RAD18: variants seen among roughly 807,000 people sequenced by gnomAD.
RAD18 encodes the protein E3 ubiquitin-protein ligase RAD18.
RAD18 carries 47 observed loss-of-function variants against 60.4 expected under a neutral mutation model. The observed-to-expected ratio is 0.78, with a 90% CI of 0.62 to 0.99. The LOEUF (loss-of-function observed/expected upper bound fraction) is 0.99. RAD18 is among the 50% of genes least tolerant of loss of function. The probability of loss-of-function intolerance (pLI) is 0.00; values close to 1 mark genes in which losing one functional copy is unlikely to be tolerated. For missense variants in RAD18, 640 were observed against 593.3 expected, an observed-to-expected ratio of 1.08 and a Z score of -0.82; for synonymous variants, 225 against 195.5, an observed-to-expected ratio of 1.15 and a Z score of -1.26.
At chr3:8,952,346 C>A (rs953736213) in intron 2 of RAD18, among the ~76,000 whole-genome samples, 4 of 152,128 alleles carry the variant, frequency 2.6e-5, no homozygotes, top group Non-Finnish European at 5.9e-5. Context: ...ATTATCAATG[C>A]TGTTCTCTTT....
intron 2 of RAD18, among the ~76,000 whole-genome samples, chr3:8,956,786 G>A (rs1223758147): frequency 7.1e-6 from 1 of 140,774 alleles, no homozygotes. Context: ...CAGGGGTAGA[G>A]AAGTGCCTCA....
chr3:8,914,553 A>G (rs528028802), intron 7 of RAD18, among the ~76,000 whole-genome samples: 1 of 152,136 alleles, frequency 6.6e-6, no homozygotes, highest in African/African-American at 2.4e-5. Flanking sequence ...TTAAAGTTTT[A>G]TTTTTTTTAA....
chr3:8,928,215 A>G (rs372453797), intron 7 of RAD18, among the ~76,000 whole-genome samples: 136 of 152,224 alleles, frequency 8.9e-4, no homozygotes, highest in African/African-American at 3.0e-3. Flanking sequence ...TAAAATGAAG[A>G]TAACATAAAA....
chr3:8,936,209 A>G (rs1231589560), intron 6 of RAD18, among the ~76,000 whole-genome samples, 154 bp from the exon 7 acceptor site: 1 of 152,220 alleles, frequency 6.6e-6, no homozygotes, highest in Non-Finnish European at 1.5e-5. Context: ...GTTTGTGGAT[A>G]AAGTTGAGTG....
intron 11 of RAD18, among the ~76,000 whole-genome samples, chr3:8,893,826 G>A (rs1025652996): frequency 6.6e-6 from 1 of 150,872 alleles, no homozygotes; most frequent in South Asian, 2.1e-4. Flanking sequence ...CTCCTGAGTA[G>A]TTATAGGTGC....
intron 11 of RAD18, among the ~76,000 whole-genome samples, chr3:8,891,074 A>AT (rs1939678660): frequency 2.8e-5 from 1 of 35,096 alleles, no homozygotes; most frequent in African/African-American, 1.7e-4. Context: ...TATATATATA[A>AT]AATATATATA....
At chr3:8,943,496 C>T (rs1240765054) in intron 4 of RAD18, among the ~76,000 whole-genome samples, 1 of 151,698 alleles carries the variant, frequency 6.6e-6, no homozygotes, top group Non-Finnish European at 1.5e-5. Context: ...AGAAAATATC[C>T]AAACCAAGCA....
intron 7 of RAD18, among the ~76,000 whole-genome samples, chr3:8,928,302 A>G (rs763134071): frequency 2.3e-4 from 35 of 152,286 alleles, no homozygotes; most frequent in Non-Finnish European, 1.6e-4. Context: ...ACAGCAAACA[A>G]GCAAGATGGC....
intron 12 of RAD18, among the ~76,000 whole-genome samples, chr3:8,885,663 G>T (rs1939547536): frequency 6.6e-6 from 1 of 152,230 alleles, no homozygotes; most frequent in South Asian, 2.1e-4. Context: ...AGGGAGGGAA[G>T]AGGGAAAAGG....
At chr3:8,937,021 T>C (rs1302343630) in intron 6 of RAD18, among the ~76,000 whole-genome samples, 2 of 152,200 alleles carry the variant, frequency 1.3e-5, no homozygotes, top group African/African-American at 4.8e-5. Context: ...TTATGCTGTA[T>C]TAACAAAGTC....
chr3:8,942,739 G>A (rs1169577653), intron 4 of RAD18, among the ~76,000 whole-genome samples: 1 of 152,188 alleles, frequency 6.6e-6, no homozygotes. Context: ...TGAGGGGTCA[G>A]AGTGCTTTGA....
intron 12 of RAD18, among the ~76,000 whole-genome samples, chr3:8,887,837 C>A (rs1396916496): frequency 1.3e-5 from 2 of 152,172 alleles, no homozygotes; most frequent in African/African-American, 2.4e-5. Flanking sequence ...ATTGCCCCTG[C>A]TGGCATAAGG....
At chr3:8,932,438 C>T (rs1478139936) in intron 7 of RAD18, among the ~76,000 whole-genome samples, 2 of 152,170 alleles carry the variant, frequency 1.3e-5, no homozygotes, top group South Asian at 2.1e-4. Context: ...CAGGAAAATG[C>T]AAATTAAAAC....
chr3:8,961,955 A>T (rs138734551), intron 1 of RAD18, among the ~76,000 whole-genome samples: 1 of 152,296 alleles, frequency 6.6e-6, no homozygotes, highest in African/African-American at 2.4e-5. Context: ...CATGACAACA[A>T]ATTAAAAGGG....
intron 4 of RAD18, among the ~76,000 whole-genome samples, chr3:8,943,093 A>G (rs1940782199): frequency 6.6e-6 from 1 of 152,236 alleles, no homozygotes; most frequent in Non-Finnish European, 1.5e-5. Flanking sequence ...AAAGATGAAG[A>G]GCTGATAATT....
chr3:8,881,454 T>C lies in RAD18; in HGVS notation c.1391A>G (p.Asp464Gly). 6.2e-7 allele frequency: 1 copy of C among 1,604,194 alleles called. No homozygotes were observed. Among genetic ancestry groups the C allele is most frequent in the Non-Finnish European group, 8.5e-7 (1 of 1,171,262 alleles). The change falls in exon 13 of 13, where the codon GAT becomes GGT. Residue 464 changes from aspartate to glycine, a missense_variant. Coordinates refer to ENST00000264926, the MANE Select transcript of RAD18 (RefSeq NM_020165.4). Reference protein sequence around the residue: ...EEAWEASHKNDLQDTEISPRQ... With the variant: ...EEAWEASHKNGLQDTEISPRQ... ...TGGACTTATTTCTGTGTCTTGAAGA[T>C]CGTTTCTGAAGACAGAAAAAGGAAA...
intron 11 of RAD18, among the ~76,000 whole-genome samples, chr3:8,890,999 T>C (rs1939676032): frequency 6.6e-6 from 1 of 151,892 alleles, no homozygotes; most frequent in African/African-American, 2.4e-5. Flanking sequence ...GAAATTTTAA[T>C]ACCACAAATA....
chr3:8,926,496 T>A (rs1267383482), intron 7 of RAD18, among the ~76,000 whole-genome samples: 1 of 152,216 alleles, frequency 6.6e-6, no homozygotes, highest in Non-Finnish European at 1.5e-5. Context: ...AGGTAATTTA[T>A]AGATTCTATG....
At chr3:8,899,114 C>A in intron 10 of RAD18, 67 bp from the exon 11 acceptor site, 1 of 1,246,426 alleles carries the variant, frequency 8.0e-7, no homozygotes, top group Non-Finnish European at 1.1e-6. Context: ...ACTTCTGCAA[C>A]ACTTAATACT....
Sources: allele counts gnomAD v4.1 joint callset (sites outside exome capture counted in the v4.1 genomes callset), GRCh38; gene constraint gnomAD v4.1.1; transcripts MANE v1.5; gene names NCBI Gene and HGNC (gene_info 2026-07-23, HGNC 2026-07-21).